The following TENM4 variants were observed in gnomAD, a reference collection of about 807,000 sequenced individuals.
TENM4 encodes teneurin transmembrane protein 4, also known as teneurin-4.
Under a neutral mutation model 243.3 loss-of-function variants are expected in TENM4, and 82 were observed. The ratio of observed to expected loss-of-function variants is 0.34; its 90% CI spans 0.28 to 0.40. The LOEUF is 0.40. TENM4 is among the 10% of genes least tolerant of loss of function. The pLI, the probability that TENM4 is intolerant of heterozygous loss-of-function variation, is 1.00. For synonymous variants in TENM4, 1,412 were observed against 1,456.3 expected, an observed-to-expected ratio of 0.97 and a Z score of 0.69; for missense variants, 3,138 against 3,673.3, an observed-to-expected ratio of 0.85 and a Z score of 3.77.
chr11:79,309,049 G>C (rs1436106087), intron 1 of TENM4, among the ~76,000 whole-genome samples: 1 of 152,048 alleles, frequency 6.6e-6, no homozygotes, highest in Non-Finnish European at 1.5e-5. Context: ...AAGGAGGGGT[G>C]GGGACTATGG....
chr11:78,795,376 G>C (rs1857140677), intron 15 of TENM4, among the ~76,000 whole-genome samples: 1 of 152,160 alleles, frequency 6.6e-6, no homozygotes, highest in South Asian at 2.1e-4. Flanking sequence ...TCACGTAACT[G>C]TTCAAGATTC....
At chr11:78,885,786 G>C (rs1446545103) in intron 9 of TENM4, among the ~76,000 whole-genome samples, 2 of 152,164 alleles carry the variant, frequency 1.3e-5, no homozygotes, top group African/African-American at 4.8e-5. Flanking sequence ...GTAGCCAGGT[G>C]CAGTGGGGCA....
chr11:79,389,712 C>T (rs534121036), intron 1 of TENM4, among the ~76,000 whole-genome samples: 130 of 152,272 alleles, frequency 8.5e-4, no homozygotes, highest in African/African-American at 2.9e-3. Context: ...ATTTGAACTC[C>T]AATTAGGCAA....
At chr11:79,286,261 T>C (rs763862855) in intron 2 of TENM4, among the ~76,000 whole-genome samples, 9 of 152,208 alleles carry the variant, frequency 5.9e-5, no homozygotes, top group Non-Finnish European at 1.2e-4. Context: ...GCACTCGCTC[T>C]GGAGTCCAGG....
intron 30 of TENM4, among the ~76,000 whole-genome samples, chr11:78,672,747 C>A (rs1037195223): frequency 6.6e-6 from 1 of 152,200 alleles, no homozygotes; most frequent in African/African-American, 2.4e-5. Context: ...ACACCAGACA[C>A]TGCGGAGACC....
chr11:78,718,931 T>C (rs1396969688), intron 25 of TENM4, among the ~76,000 whole-genome samples: 1 of 152,220 alleles, frequency 6.6e-6, no homozygotes, highest in Non-Finnish European at 1.5e-5. Flanking sequence ...TTTACTTTAA[T>C]ACATGTGCCT....
intron 6 of TENM4, among the ~76,000 whole-genome samples, chr11:78,955,348 C>A (rs1415751097): frequency 6.6e-6 from 1 of 152,218 alleles, no homozygotes; most frequent in African/African-American, 2.4e-5. Flanking sequence ...CTCTCCTTGG[C>A]CTCCTTCCAG....
chr11:79,349,864 G>A (rs1293629501), intron 1 of TENM4, among the ~76,000 whole-genome samples: 1 of 152,178 alleles, frequency 6.6e-6, no homozygotes, highest in Non-Finnish European at 1.5e-5. Context: ...TTAGATAGTA[G>A]GGCCTAGAGG....
chr11:78,994,623 G>A (rs945787918), intron 6 of TENM4, among the ~76,000 whole-genome samples: 3 of 152,158 alleles, frequency 2.0e-5, no homozygotes, highest in Non-Finnish European at 2.9e-5. Context: ...AATCGCTTAC[G>A]GTAGGATGGC....
chr11:79,169,602 C>T (rs1862993326), intron 3 of TENM4, among the ~76,000 whole-genome samples: 1 of 152,174 alleles, frequency 6.6e-6, no homozygotes, highest in South Asian at 2.1e-4. Flanking sequence ...GTTTTCTTGA[C>T]AAGATCCAGT....
intron 1 of TENM4, among the ~76,000 whole-genome samples, chr11:79,305,890 C>T (rs1590866720): frequency 6.6e-6 from 1 of 152,356 alleles, no homozygotes; most frequent in East Asian, 1.9e-4. Context: ...CTTCTAGCAG[C>T]CTGGCCACAG....
rs989407472 is a variant in TENM4, at chr11:78,910,611, T to C, written c.494-7088A>G. Among the ~76,000 whole-genome samples the C allele has an allele frequency of 2.6e-5, 4 of 152,234 alleles. 1 individual carries two copies. Among genetic ancestry groups the C allele is most frequent in the Non-Finnish European group, 5.9e-5 (4 of 68,040 alleles). On this transcript the variant is annotated intron_variant, in intron 6 of 33. Transcript: ENST00000278550. ...AGTTTCAGTTTCTTCACTTGTCAAA[T>C]GTGTATGAAAGCACCTTGCAAACTG...
chr11:79,058,693 G>C (rs990845276), intron 6 of TENM4, among the ~76,000 whole-genome samples: 33 of 152,326 alleles, frequency 2.2e-4, no homozygotes, highest in African/African-American at 7.7e-4. Context: ...GAAAATGAGG[G>C]AAGGTTAAGA....
intron 27 of TENM4, among the ~76,000 whole-genome samples, 186 bp from the exon 28 acceptor site, chr11:78,702,589 G>T (rs1472625609): frequency 1.3e-5 from 2 of 152,172 alleles, no homozygotes; most frequent in African/African-American, 4.8e-5. Flanking sequence ...TGAAAGAGCT[G>T]CCACTGAGAC....
At chr11:79,060,260 A>G (rs1860053406) in intron 6 of TENM4, among the ~76,000 whole-genome samples, 1 of 152,250 alleles carries the variant, frequency 6.6e-6, no homozygotes, top group Admixed American at 6.5e-5. Context: ...CTCTGCCTGA[A>G]GGCCCCGAGT....
chr11:78,856,398 A>C (rs1858682731), intron 10 of TENM4, among the ~76,000 whole-genome samples: 1 of 152,174 alleles, frequency 6.6e-6, no homozygotes, highest in Admixed American at 6.5e-5. Context: ...TATTCTGCTA[A>C]AAATATGCAT....
At chr11:79,130,856 T>C (rs575707911) in intron 4 of TENM4, among the ~76,000 whole-genome samples, 197 of 151,992 alleles carry the variant, frequency 1.3e-3, no homozygotes, top group African/African-American at 4.4e-3. Context: ...TCAGGAAACA[T>C]TGGACACACT....
At chr11:78,742,636 G>C (rs1408475343) in intron 19 of TENM4, among the ~76,000 whole-genome samples, 3 of 152,204 alleles carry the variant, frequency 2.0e-5, no homozygotes, top group African/African-American at 7.2e-5. Flanking sequence ...GGGAGCGCTT[G>C]TGCCAAGCCA....
chr11:79,362,510 T>C (rs188863641), intron 1 of TENM4, among the ~76,000 whole-genome samples: 47 of 152,324 alleles, frequency 3.1e-4, no homozygotes, highest in African/African-American at 1.1e-3. Flanking sequence ...ACTGATGCTT[T>C]TCCAGGCAAG....
Sources: allele counts gnomAD v4.1 joint callset (sites outside exome capture counted in the v4.1 genomes callset), GRCh38; gene constraint gnomAD v4.1.1; transcripts MANE v1.5; gene names NCBI Gene and HGNC (gene_info 2026-07-23, HGNC 2026-07-21).